The following CADM2 variants were observed in gnomAD, a reference collection of about 807,000 sequenced individuals.
CADM2 encodes cell adhesion molecule 2, also known as immunoglobulin superfamily member 4D.
Under a neutral mutation model 49.8 loss-of-function variants are expected in CADM2, and 12 were observed. That is an observed-to-expected ratio of 0.24 (90% CI 0.15 to 0.39). The LOEUF is 0.39. Among genes scored for constraint, CADM2 ranks in the 10% least tolerant of loss-of-function variants. The pLI is 1.00. For missense variants in CADM2, 378 were observed against 492.3 expected (o/e 0.77, Z 2.20); for synonymous variants, 214 against 175.4 (o/e 1.22, Z -1.74).
chr3:85,975,133 T>C (rs772989143), intron 8 of CADM2, among the ~76,000 whole-genome samples: 2 of 151,480 alleles, frequency 1.3e-5, no homozygotes, highest in African/African-American at 2.4e-5. Flanking sequence ...GTTTAGATCA[T>C]GAACACTGGA....
At chr3:84,984,376 A>AAAAAAAAAAC (rs2032420183) in intron 1 of CADM2, among the ~76,000 whole-genome samples, 1 of 145,526 alleles carries the variant, frequency 6.9e-6, no homozygotes, top group Admixed American at 6.8e-5. Context: ...AAAAAAAAAA[A>AAAAAAAAAAC]AAAAAAAAAC....
chr3:85,887,718 A>T (rs953022080), intron 5 of CADM2, among the ~76,000 whole-genome samples: 16 of 152,256 alleles, frequency 1.1e-4, no homozygotes, highest in Admixed American at 3.9e-4. Context: ...GTTACTGTGT[A>T]ACCTGATTCT....
intron 1 of CADM2, among the ~76,000 whole-genome samples, chr3:85,326,106 C>A (rs962237527): frequency 1.5e-4 from 23 of 152,080 alleles, no homozygotes. Context: ...CCCTCTTTCT[C>A]TTTAAATAAC....
intron 1 of CADM2, among the ~76,000 whole-genome samples, chr3:85,402,590 G>A (rs2035169239): frequency 6.6e-6 from 1 of 152,080 alleles, no homozygotes; most frequent in South Asian, 2.1e-4. Context: ...TTGTTATTAA[G>A]TGTATGAACT....
At chr3:85,650,937 A>T (rs2065025279) in intron 1 of CADM2, among the ~76,000 whole-genome samples, 1 of 147,652 alleles carries the variant, frequency 6.8e-6, no homozygotes, top group Admixed American at 6.9e-5. Flanking sequence ...CACAAAATGC[A>T]TGCTGATGGC....
intron 1 of CADM2, among the ~76,000 whole-genome samples, chr3:85,035,713 T>C (rs2035184401): frequency 6.6e-6 from 1 of 152,168 alleles, no homozygotes; most frequent in Non-Finnish European, 1.5e-5. Context: ...TGCACTTTTG[T>C]CAAAAATGAG....
In CADM2 at chr3:85,771,622, G is replaced by A. The variant is rs1031437876; in HGVS notation, c.89-30425G>A. ...CTAGAAAAATGTATCCATAGAAGCC[G>A]CTAGGTAGGAATGAACAAAGGAATT... On this transcript the variant is annotated intron_variant, in intron 2 of 9. Transcript: ENST00000383699. Among the ~76,000 whole-genome samples, 8 of 151,982 alleles carry A rather than the reference G, an allele frequency of 5.3e-5. No homozygotes were observed. In the East Asian group the frequency reaches 5.8e-4, roughly 11 times the overall value.
chr3:85,901,324 T>C (rs556706787), intron 5 of CADM2, among the ~76,000 whole-genome samples: 11 of 152,366 alleles, frequency 7.2e-5, no homozygotes, highest in Admixed American at 5.2e-4. Flanking sequence ...ACCTTCCATT[T>C]GTGTTGGTAA....
chr3:86,016,765 TG>T (rs1325312862), intron 8 of CADM2, among the ~76,000 whole-genome samples: 1 of 152,200 alleles, frequency 6.6e-6, no homozygotes, highest in Non-Finnish European at 1.5e-5. Flanking sequence ...TCATATTTAA[TG>T]ATGATTAATA....
At chr3:85,036,365 T>C (rs962572308) in intron 1 of CADM2, among the ~76,000 whole-genome samples, 1 of 152,030 alleles carries the variant, frequency 6.6e-6, no homozygotes, top group Non-Finnish European at 1.5e-5. Flanking sequence ...TTATAAGCAG[T>C]TGATTCAGGA....
chr3:85,965,889 A>G (rs1725412815), intron 8 of CADM2, among the ~76,000 whole-genome samples: 3 of 151,658 alleles, frequency 2.0e-5, no homozygotes, highest in Non-Finnish European at 3.0e-5. Flanking sequence ...TTTATCATCA[A>G]TTGATTAAAA....
At chr3:85,453,602 A>G (rs568726975) in intron 1 of CADM2, among the ~76,000 whole-genome samples, 2 of 152,234 alleles carry the variant, frequency 1.3e-5, no homozygotes, top group South Asian at 2.1e-4. Context: ...TTTGTGTGAC[A>G]TCTTTGTTTA....
At chr3:85,697,669 A>G (rs1396279548) in intron 1 of CADM2, among the ~76,000 whole-genome samples, 1 of 152,188 alleles carries the variant, frequency 6.6e-6, no homozygotes, top group Non-Finnish European at 1.5e-5. Context: ...CTAATGGCAT[A>G]AAAGACAGGG....
intron 1 of CADM2, among the ~76,000 whole-genome samples, chr3:85,415,804 A>C (rs1163020035): frequency 2.6e-5 from 4 of 152,136 alleles, no homozygotes; most frequent in African/African-American, 9.6e-5. Flanking sequence ...AGTAGGATCA[A>C]AGCTTGTAAG....
chr3:85,619,084 T>C (rs1019269112), intron 1 of CADM2, among the ~76,000 whole-genome samples: 3 of 151,768 alleles, frequency 2.0e-5, no homozygotes, highest in Non-Finnish European at 2.9e-5. Context: ...GTTATGCAAT[T>C]ATGAAACTTA....
chr3:84,965,321 C>T (rs1468538441), intron 1 of CADM2, among the ~76,000 whole-genome samples: 1 of 152,134 alleles, frequency 6.6e-6, no homozygotes, highest in African/African-American at 2.4e-5. Flanking sequence ...AATGGCATCT[C>T]AGGCCTAATG....
chr3:85,086,892 C>A (rs1007564344), intron 1 of CADM2, among the ~76,000 whole-genome samples: 1 of 152,064 alleles, frequency 6.6e-6, no homozygotes, highest in African/African-American at 2.4e-5. Context: ...ATGGTGTAGC[C>A]ATCTGCTTTC....
intron 2 of CADM2, among the ~76,000 whole-genome samples, chr3:85,771,668 G>T (rs979732167): frequency 1.3e-5 from 2 of 152,028 alleles, no homozygotes; most frequent in African/African-American, 4.8e-5. Context: ...TCTAAAAAGG[G>T]TCTCTCTTTG....
intron 1 of CADM2, among the ~76,000 whole-genome samples, chr3:85,344,550 G>A (rs1319871454): frequency 6.6e-6 from 1 of 151,816 alleles, no homozygotes; most frequent in African/African-American, 2.4e-5. Context: ...ATGAAGTGGG[G>A]AATGGAAGAC....
Sources: gnomAD v4.1 joint callset for allele counts (sites outside exome capture counted in the v4.1 genomes callset) on GRCh38, gnomAD v4.1.1 for gene constraint, MANE v1.5 for transcripts, NCBI Gene and HGNC (gene_info 2026-07-23, HGNC 2026-07-21) for gene names.